Variants in RIMBP2 observed in about 807,000 individuals in gnomAD.
RIMBP2 encodes RIMS-binding protein 2.
In RIMBP2, 48 loss-of-function variants were observed where a neutral mutation model predicts 118.6. The observed-to-expected ratio is 0.40, with a 90% CI of 0.32 to 0.51. The LOEUF (loss-of-function observed/expected upper bound fraction) is 0.51, where lower values mean the gene tolerates loss of function less well. Ranked by LOEUF, RIMBP2 falls within the 20% of genes least tolerant of loss-of-function variation. The pLI is 0.41. For synonymous variants in RIMBP2, 762 were observed against 742.9 expected (o/e 1.03, Z -0.42); for missense variants, 1,551 against 1,768.3 (o/e 0.88, Z 2.20).
intron 3 of RIMBP2, among the ~76,000 whole-genome samples, chr12:130,509,034 A>G (rs1044596143): frequency 6.6e-5 from 10 of 152,202 alleles, no homozygotes; most frequent in Admixed American, 1.3e-4. Flanking sequence ...ATGATGGATC[A>G]GCATGACCCC....
intron 4 of RIMBP2, among the ~76,000 whole-genome samples, chr12:130,482,856 A>C (rs113331724): frequency 3.1e-3 from 184 of 59,900 alleles, no homozygotes; most frequent in South Asian, 8.3e-3. Flanking sequence ...GACCTCATCC[A>C]AATACACCCA....
chr12:130,671,810 G>A (rs1410831563), intron 1 of RIMBP2, among the ~76,000 whole-genome samples: 1 of 151,696 alleles, frequency 6.6e-6, no homozygotes, highest in African/African-American at 2.4e-5. Flanking sequence ...TTAATGAATG[G>A]GTTTAATGAT....
intron 2 of RIMBP2, among the ~76,000 whole-genome samples, chr12:130,589,372 A>G (rs2059118875): frequency 6.6e-6 from 1 of 152,146 alleles, no homozygotes; most frequent in Non-Finnish European, 1.5e-5. Flanking sequence ...GAAAAAAGAA[A>G]AAGAAAATAG....
At chr12:130,405,950 T>C (rs1056509470) in intron 21 of RIMBP2, among the ~76,000 whole-genome samples, 1 of 152,202 alleles carries the variant, frequency 6.6e-6, no homozygotes, top group African/African-American at 2.4e-5. Context: ...TTGAAAACAC[T>C]AGTATTAGCA....
chr12:130,699,572 C>T (rs1052740083), intron 1 of RIMBP2, among the ~76,000 whole-genome samples: 3 of 96,524 alleles, frequency 3.1e-5, no homozygotes, highest in African/African-American at 1.3e-4. Flanking sequence ...ACACCGGGGA[C>T]TGTTGTGGGG....
At chr12:130,662,688 G>A (rs2063713252) in intron 1 of RIMBP2, among the ~76,000 whole-genome samples, 1 of 152,010 alleles carries the variant, frequency 6.6e-6, no homozygotes, top group Admixed American at 6.6e-5. Flanking sequence ...GGGCACAGTA[G>A]CTCACACCTG....
Position 130,475,046 on chromosome 12 carries a change from G to A in RIMBP2, c.102+3866C>T, listed in dbSNP as rs1001929995. The stretch of plus-strand genomic sequence containing the variant: ...CCTGAGGTTACCAGCAGACAGCGTG[G>A]GTCCTGGCTTGGCTGCCTTTTGCCT... On this transcript the variant is annotated intron_variant, in intron 5 of 22. Coordinates refer to ENST00000690449, the MANE Select transcript of RIMBP2 (RefSeq NM_001393629.1). The surrounding 1 kb of genome is among the most constrained non-coding windows in gnomAD (Gnocchi z 4.1). Among the ~76,000 whole-genome samples, 10 of 152,328 alleles carry A rather than the reference G, an allele frequency of 6.6e-5. No individual in the cohort carries two copies. The highest frequency in any genetic ancestry group is 2.1e-4 in the South Asian group (1 of 4,826).
intron 2 of RIMBP2, among the ~76,000 whole-genome samples, chr12:130,538,313 T>C (rs1276540962): frequency 6.9e-6 from 1 of 144,386 alleles, no homozygotes; most frequent in Non-Finnish European, 1.5e-5. Flanking sequence ...AATCAGAAAA[T>C]TTGGCGATCT....
chr12:130,405,233 G>A (rs1262986689), intron 21 of RIMBP2, among the ~76,000 whole-genome samples: 1 of 152,160 alleles, frequency 6.6e-6, no homozygotes, highest in Non-Finnish European at 1.5e-5. Context: ...AGCAGAGGTT[G>A]AGCTGGAAAG....
At chr12:130,707,221 G>T (rs2066165053) in intron 1 of RIMBP2, among the ~76,000 whole-genome samples, 1 of 152,104 alleles carries the variant, frequency 6.6e-6, no homozygotes, top group African/African-American at 2.4e-5. Context: ...ACTTCCAACT[G>T]CCAGTCGTAT....
intron 1 of RIMBP2, among the ~76,000 whole-genome samples, chr12:130,646,142 ACCAC>A: frequency 2.6e-5 from 1 of 38,210 alleles, no homozygotes; most frequent in South Asian, 1.0e-3. Flanking sequence ...CACCTCCCTC[ACCAC>A]CTGCCTCTCC....
At chr12:130,530,965 A>T (rs562978743) in intron 2 of RIMBP2, among the ~76,000 whole-genome samples, 83 of 152,340 alleles carry the variant, frequency 5.4e-4, no homozygotes, top group African/African-American at 1.9e-3. Flanking sequence ...CTGCTCATTC[A>T]AGATGACCAT....
chr12:130,460,677 G>A (rs150101386), intron 6 of RIMBP2, among the ~76,000 whole-genome samples: 1 of 152,254 alleles, frequency 6.6e-6, no homozygotes, highest in East Asian at 1.9e-4. Flanking sequence ...AGTAGCAGCA[G>A]CAGATGCAAT....
chr12:130,708,784 A>C (rs1949683268), intron 1 of RIMBP2, among the ~76,000 whole-genome samples: 2 of 152,190 alleles, frequency 1.3e-5, no homozygotes. Flanking sequence ...TGGGCCCTGG[A>C]CACAGGCGTG....
chr12:130,697,364 T>C (rs192169148), intron 1 of RIMBP2, among the ~76,000 whole-genome samples: 1 of 152,022 alleles, frequency 6.6e-6, no homozygotes, highest in Admixed American at 6.6e-5. Flanking sequence ...CTACAAAATA[T>C]CTCTACAAAA....
At chr12:130,695,041 G>A (rs1208285518) in intron 1 of RIMBP2, among the ~76,000 whole-genome samples, 3 of 152,192 alleles carry the variant, frequency 2.0e-5, no homozygotes, top group Admixed American at 2.0e-4. Flanking sequence ...ATGTCCAGTC[G>A]TGAACACAAT....
In RIMBP2 at chr12:130,484,653, C is replaced by A. The variant is rs555496688; in HGVS notation, c.-3-5637G>T. Reference sequence around the variant, plus strand: ...CTTCATGGCCTCTTGGAGCTCAGTCCCACTGCTGTCCCCACCACCCCCTTC... The same window carrying A: ...CTTCATGGCCTCTTGGAGCTCAGTCACACTGCTGTCCCCACCACCCCCTTC... On this transcript the variant is annotated intron_variant, in intron 4 of 22. Coordinates refer to ENST00000690449, the MANE Select transcript of RIMBP2 (RefSeq NM_001393629.1). 7.7e-4 allele frequency among the ~76,000 whole-genome samples: 117 copies of A among 152,352 alleles called. 1 individual carries two copies. The South Asian group carries it at 8.9e-3, about 12-fold the overall frequency.
intron 1 of RIMBP2, among the ~76,000 whole-genome samples, chr12:130,664,417 A>ACGCACGCGCACG (rs1566439003): frequency 1.2e-5 from 1 of 80,052 alleles, no homozygotes; most frequent in Non-Finnish European, 3.1e-5. Context: ...GCACGCACAC[A>ACGCACGCGCACG]CACGCACACA....
chr12:130,397,193 C>T lies in RIMBP2; in HGVS notation c.*168G>A, dbSNP rs566868476. ...GCGGTGACAGAGAGCAACCGCTCCT[C>T]TTTGTTCTCGTGGTTGGTTTAAAGT... On this transcript the variant is annotated 3_prime_UTR_variant, in exon 23 of 23. Coordinates refer to ENST00000690449, the MANE Select transcript of RIMBP2 (RefSeq NM_001393629.1). The T allele has an allele frequency of 8.0e-6, 3 of 374,932 alleles. No individual in the cohort carries two copies. Among genetic ancestry groups the T allele is most frequent in the African/African-American group, 6.2e-5 (3 of 48,150 alleles). 23.2% of individuals were successfully genotyped at this position (374,932 alleles called of 1,614,324 possible).
Sources: allele counts gnomAD v4.1 joint callset (sites outside exome capture counted in the v4.1 genomes callset), GRCh38; gene constraint gnomAD v4.1.1; non-coding constraint Gnocchi (gnomAD v3.1); transcripts MANE v1.5; gene names NCBI Gene and HGNC (gene_info 2026-07-23, HGNC 2026-07-21).